TLN2: variants seen among roughly 807,000 people sequenced by gnomAD.
TLN2 encodes talin-2.
Under a neutral mutation model 294.7 loss-of-function variants are expected in TLN2, and 118 were observed. The observed-to-expected ratio is 0.40, with a 90% CI of 0.34 to 0.47. The LOEUF (loss-of-function observed/expected upper bound fraction) is 0.47. TLN2 is among the 20% of genes least tolerant of loss of function. The pLI, the probability that TLN2 is intolerant of heterozygous loss-of-function variation, is 0.84. For synonymous variants in TLN2, 1,431 were observed against 1,304.5 expected (o/e 1.10, Z -2.09); for missense variants, 3,083 against 3,282.2 (o/e 0.94, Z 1.48).
chr15:62,826,068 C>T (rs1319184785), intron 54 of TLN2, among the ~76,000 whole-genome samples: 5 of 150,424 alleles, frequency 3.3e-5, no homozygotes, highest in South Asian at 2.1e-4. Flanking sequence ...GGAGACTCCC[C>T]TCCAGGGTAG....
chr15:62,727,762 G>A (rs1342542415), intron 28 of TLN2, among the ~76,000 whole-genome samples: 1 of 152,150 alleles, frequency 6.6e-6, no homozygotes, highest in East Asian at 1.9e-4. Flanking sequence ...ATACAATGAG[G>A]AAATGTTATT....
intron 4 of TLN2, 96 bp downstream of exon 4, chr15:62,647,542 T>C: frequency 6.6e-7 from 1 of 1,504,758 alleles, no homozygotes; most frequent in Non-Finnish European, 9.1e-7. Context: ...TACACAAGCC[T>C]ATTAGTGCAT....
In TLN2 at chr15:62,800,684, A is replaced by G. The variant is rs1596043461; in HGVS notation, c.6392A>G (p.Lys2131Arg). 1 of 1,614,168 alleles carries G rather than the reference A, an allele frequency of 6.2e-7. No homozygotes were observed. The highest frequency in any genetic ancestry group is 8.5e-7 in the Non-Finnish European group (1 of 1,180,038). ...VMVTNVTSLL[K>R]TVKAVEDEAT... The stretch of plus-strand genomic sequence containing the variant: ...GTGACCAATGTCACCTCGCTCCTCA[A>G]GACTGTAAAGGCAGTGGAGGATGAG... The change falls in exon 50 of 59, where the codon AAG (lysine) becomes AGG (arginine). Residue 2131 changes from lysine to arginine, a missense_variant. Coordinates refer to ENST00000636159, the MANE Select transcript of TLN2 (RefSeq NM_015059.3).
intron 50 of TLN2, 78 bp downstream of exon 50, chr15:62,800,847 T>C: frequency 8.0e-7 from 1 of 1,252,926 alleles, no homozygotes; most frequent in Non-Finnish European, 1.1e-6. Flanking sequence ...TGAGGTTTTT[T>C]ACCAATGAGG....
At chr15:62,702,729 G>C (rs12908653) in intron 18 of TLN2, 37 bp from the exon 19 acceptor site, 2 of 1,597,670 alleles carry the variant, frequency 1.3e-6, no homozygotes, top group East Asian at 4.5e-5. Flanking sequence ...GAGGAAATGC[G>C]TTTTCTTTCC....
Position 62,819,594 on chromosome 15 carries a change from C to CGGCT in TLN2, c.6850_6851insGGCT (p.Leu2284ArgfsTer40). 1 of 1,612,362 alleles carries CGGCT rather than the reference C, an allele frequency of 6.2e-7. No homozygotes were observed. ...GCGAGTCGCCGGCGCTGTGACAGAG[C>CGGCT]TCATCCAGGCGGCGGAAGCCATGAA... On this transcript the variant is annotated frameshift_variant, in exon 53 of 59. Transcript: ENST00000636159. LOFTEE classifies it high-confidence loss of function.
intron 3 of TLN2, among the ~76,000 whole-genome samples, chr15:62,643,149 G>A (rs2051342345): frequency 6.6e-6 from 1 of 152,154 alleles, no homozygotes. Context: ...AATCCCATAT[G>A]ACTGGGTTTC....
chr15:62,818,343 G>A (rs1396487234), intron 52 of TLN2, among the ~76,000 whole-genome samples: 4 of 152,156 alleles, frequency 2.6e-5, no homozygotes, highest in African/African-American at 7.2e-5. Flanking sequence ...TCACCATTGG[G>A]AAACGTGAGA....
chr15:62,507,046 C>G (rs1398765549), intron 1 of TLN2, among the ~76,000 whole-genome samples: 1 of 152,114 alleles, frequency 6.6e-6, no homozygotes, highest in Non-Finnish European at 1.5e-5. Context: ...CTTTGGTCAG[C>G]TGATATAAGG....
Position 62,460,438 on chromosome 15 carries a change from T to G in TLN2, c.-238+69753T>G, listed in dbSNP as rs2036734930. Among the ~76,000 whole-genome samples, 3 of 152,124 alleles carry G rather than the reference T, an allele frequency of 2.0e-5. No individual in the cohort carries two copies. In the South Asian group the frequency reaches 6.2e-4, roughly 32 times the overall value. Reference sequence around the variant, plus strand: ...TGCCACCACGCCTGGCTACTTTGTATTTTTAGTAGAGACGGGGTTTCTCCA... The same window carrying G: ...TGCCACCACGCCTGGCTACTTTGTAGTTTTAGTAGAGACGGGGTTTCTCCA... On this transcript the variant is annotated intron_variant, in intron 1 of 58. Transcript: ENST00000636159.
At chr15:62,600,423 G>A (rs959887599) in intron 2 of TLN2, among the ~76,000 whole-genome samples, 1 of 152,230 alleles carries the variant, frequency 6.6e-6, no homozygotes, top group African/African-American at 2.4e-5. Context: ...AGTCCAGCAA[G>A]TGGACTTTTC....
At chr15:62,810,621 G>A (rs1596079787) in intron 52 of TLN2, among the ~76,000 whole-genome samples, 2 of 151,328 alleles carry the variant, frequency 1.3e-5, no homozygotes, top group East Asian at 3.9e-4. Context: ...GTCATGGCTG[G>A]TGGGCTGCCC....
intron 8 of TLN2, 84 bp downstream of exon 8, chr15:62,656,170 C>T (rs1397688829): frequency 4.6e-6 from 7 of 1,534,502 alleles, no homozygotes; most frequent in South Asian, 1.2e-5. Context: ...AGGAGGGCGG[C>T]GCTGGCTTCT....
At chr15:62,755,887 G>C (rs1281412647) in intron 37 of TLN2, among the ~76,000 whole-genome samples, 194 bp downstream of exon 37, 1 of 152,212 alleles carries the variant, frequency 6.6e-6, no homozygotes, top group Non-Finnish European at 1.5e-5. Context: ...ACAGGCTTGG[G>C]CTCTACTAAC....
At chr15:62,541,770 A>T (rs533021298) in intron 1 of TLN2, among the ~76,000 whole-genome samples, 2 of 152,128 alleles carry the variant, frequency 1.3e-5, no homozygotes, top group Admixed American at 6.5e-5. Flanking sequence ...TATATATACA[A>T]CAGTAAAGTA....
At chr15:62,412,527 C>G (rs1375708409) in intron 1 of TLN2, among the ~76,000 whole-genome samples, 1 of 152,182 alleles carries the variant, frequency 6.6e-6, no homozygotes, top group Non-Finnish European at 1.5e-5. Context: ...TGGGACCACC[C>G]AAATGTGTCA....
At chr15:62,720,765 ATCT>A (rs1256384573) in intron 25 of TLN2, among the ~76,000 whole-genome samples, 1 of 151,818 alleles carries the variant, frequency 6.6e-6, no homozygotes, top group African/African-American at 2.4e-5. Context: ...ATTTTGAATA[ATCT>A]TCTGTTATAT....
chr15:62,777,734 A>C (rs936784519), intron 43 of TLN2, among the ~76,000 whole-genome samples: 1 of 152,226 alleles, frequency 6.6e-6, no homozygotes, highest in Non-Finnish European at 1.5e-5. Context: ...TATATGCAAA[A>C]GCCCATAGTA....
chr15:62,621,794 A>G (rs1191848419), intron 3 of TLN2, among the ~76,000 whole-genome samples: 1 of 152,238 alleles, frequency 6.6e-6, no homozygotes, highest in Non-Finnish European at 1.5e-5. Flanking sequence ...AGTAGTTACT[A>G]GTAGCTCTTG....
Sources: allele counts gnomAD v4.1 joint callset (sites outside exome capture counted in the v4.1 genomes callset), GRCh38; gene constraint gnomAD v4.1.1; transcripts MANE v1.5; gene names NCBI Gene and HGNC (gene_info 2026-07-23, HGNC 2026-07-21).